UGT1A10: variants seen among roughly 807,000 people sequenced by gnomAD.
UGT1A10 encodes the protein UDP glucuronosyltransferase family 1 member A10.
In UGT1A10, 49 loss-of-function variants were observed where a neutral mutation model predicts 45.8. The ratio of observed to expected loss-of-function variants is 1.07; its 90% CI spans 0.85 to 1.36. The LOEUF is 1.36. Among genes scored for constraint, UGT1A10 ranks in the 40% most tolerant of loss-of-function variants. The probability of loss-of-function intolerance (pLI) is 0.00; values close to 1 mark genes in which losing one functional copy is unlikely to be tolerated. For synonymous variants in UGT1A10, 284 were observed against 249.7 expected (o/e 1.14, Z -1.29); for missense variants, 745 against 668.6 (o/e 1.11, Z -1.26).
intron 1 of UGT1A10, among the ~76,000 whole-genome samples, chr2:233,708,906 G>T (rs2076047236): frequency 6.6e-6 from 1 of 152,058 alleles, no homozygotes. Flanking sequence ...TATCTGGTTA[G>T]GTATTGCTTG....
intron 4 of UGT1A10, chr2:233,770,280 A>G (rs889485504): frequency 6.6e-6 from 1 of 152,192 alleles, no homozygotes; most frequent in Non-Finnish European, 1.5e-5. Context: ...CACAAAATAA[A>G]AAGAAGTGGA....
chr2:233,730,543 T>G (rs1559376026), intron 1 of UGT1A10, among the ~76,000 whole-genome samples: 2 of 152,132 alleles, frequency 1.3e-5, no homozygotes, highest in African/African-American at 2.4e-5. Flanking sequence ...GGGATGGATG[T>G]CTGTGATTAG....
intron 1 of UGT1A10, among the ~76,000 whole-genome samples, chr2:233,646,665 G>T (rs1405751774): frequency 3.3e-5 from 5 of 152,092 alleles, no homozygotes; most frequent in African/African-American, 1.2e-4. Flanking sequence ...AGTTCCCAAC[G>T]AGTTCCTCAT....
Position 233,637,011 on chromosome 2 carries a change from C to G in UGT1A10, c.489C>G (p.Leu163=), listed in dbSNP as rs932855712. 1 of 1,613,976 alleles carries G rather than the reference C, an allele frequency of 6.2e-7. No individual in the cohort carries two copies. The highest frequency in any genetic ancestry group is 1.3e-5 in the African/African-American group (1 of 74,918). The change falls in exon 1 of 5, where the codon CTC becomes CTG. Residue 163 remains leucine, a synonymous_variant. Coordinates refer to ENST00000344644, the MANE Select transcript of UGT1A10 (RefSeq NM_019075.4). ...TAATTGTTGCTAAATATTTCTCCCTCCCCTCTGTGGTCTTCACCAGGGGAA... is the reference window on the plus strand; with the variant it reads ...TAATTGTTGCTAAATATTTCTCCCTGCCCTCTGTGGTCTTCACCAGGGGAA... ...CGLIVAKYFS[L]PSVVFTRGIF... is the part of the protein sequence containing the mutation.
At chr2:233,654,817 C>A (rs1212171616) in intron 1 of UGT1A10, among the ~76,000 whole-genome samples, 1 of 152,176 alleles carries the variant, frequency 6.6e-6, no homozygotes, top group East Asian at 1.9e-4. Context: ...TAAGGCCCAG[C>A]ACAGTGGCTC....
intron 1 of UGT1A10, among the ~76,000 whole-genome samples, chr2:233,753,838 G>A (rs1367023028): frequency 6.6e-6 from 1 of 152,204 alleles, no homozygotes; most frequent in African/African-American, 2.4e-5. Flanking sequence ...GACAGTCCTA[G>A]TATATCATTG....
At chr2:233,743,832 T>G (rs569722093) in intron 1 of UGT1A10, 26 of 1,367,252 alleles carry the variant, frequency 1.9e-5, no homozygotes, top group South Asian at 9.1e-5. Context: ...GGGTGCCACT[T>G]GAGCGCCAGC....
chr2:233,671,846 G>A (rs922301895), intron 1 of UGT1A10: 22 of 1,492,504 alleles, frequency 1.5e-5, no homozygotes, highest in Middle Eastern at 3.6e-4. Context: ...GCCCTCTATT[G>A]GGGTCAGGTT....
At chr2:233,694,307 T>TG (rs2075212609) in intron 1 of UGT1A10, among the ~76,000 whole-genome samples, 1 of 151,966 alleles carries the variant, frequency 6.6e-6, no homozygotes, top group African/African-American at 2.4e-5. Flanking sequence ...GTTTTTTGTT[T>TG]TTTTTTTTCC....
At chr2:233,733,279 T>C (rs2078376954) in intron 1 of UGT1A10, among the ~76,000 whole-genome samples, 1 of 152,208 alleles carries the variant, frequency 6.6e-6, no homozygotes, top group Non-Finnish European at 1.5e-5. Flanking sequence ...CTTCCTCTTT[T>C]CCTAATTGAA....
rs761038539 is a variant in UGT1A10 at position 233,743,935 on chromosome 2, C to G, written c.856-23099C>G. 3 of 1,357,014 alleles carry G rather than the reference C, an allele frequency of 2.2e-6. No homozygotes were observed. In the East Asian group the frequency reaches 1.4e-4, roughly 62 times the overall value. 84.1% of individuals were successfully genotyped at this position (1,357,014 alleles called of 1,614,324 possible). On this transcript the variant is annotated intron_variant, in intron 1 of 4. Transcript: ENST00000344644. Reference sequence around the variant, plus strand: ...CCACCATGCTGGATGGCCAGAACGGCCCACCAGGCACTGGCACAGCGAGCG... The same window carrying G: ...CCACCATGCTGGATGGCCAGAACGGGCCACCAGGCACTGGCACAGCGAGCG...
chr2:233,713,348 T>C (rs149718405), intron 1 of UGT1A10: 25 of 1,614,220 alleles, frequency 1.5e-5, no homozygotes, highest in Non-Finnish European at 2.1e-5. Flanking sequence ...TTATGAACAA[T>C]ATGTCTTTGA....
At chr2:233,689,269 T>C (rs6707947) in intron 1 of UGT1A10, among the ~76,000 whole-genome samples, 93,584 of 152,068 alleles carry the variant, frequency 0.62, 29,068 homozygotes, top group South Asian at 0.65. Flanking sequence ...ATTGTTATCA[T>C]ACTAAACTAA....
chr2:233,657,709 A>G (rs1400364312), intron 1 of UGT1A10, among the ~76,000 whole-genome samples: 1 of 152,190 alleles, frequency 6.6e-6, no homozygotes, highest in East Asian at 1.9e-4. Flanking sequence ...TCTAATGGGT[A>G]TGTAAATTAA....
intron 1 of UGT1A10, among the ~76,000 whole-genome samples, chr2:233,736,119 C>T (rs933260681): frequency 3.9e-5 from 6 of 152,336 alleles, no homozygotes; most frequent in South Asian, 2.1e-4. Context: ...CAACTTGTTT[C>T]CATTCTCCGC....
intron 1 of UGT1A10, among the ~76,000 whole-genome samples, chr2:233,699,882 A>T (rs1053068839): frequency 4.6e-5 from 7 of 152,168 alleles, no homozygotes; most frequent in African/African-American, 1.7e-4. Context: ...TGGTGTTGCA[A>T]TTGGAGAGGC....
intron 1 of UGT1A10, chr2:233,647,926 C>G: frequency 5.6e-6 from 9 of 1,601,882 alleles, no homozygotes; most frequent in Non-Finnish European, 6.8e-6. Context: ...AGATCACTCA[C>G]TGCCCATGGA....
chr2:233,753,284 A>G (rs1327448691), intron 1 of UGT1A10: 1 of 152,242 alleles, frequency 6.6e-6, no homozygotes, highest in African/African-American at 2.4e-5. Context: ...TTGATTTCAG[A>G]GTTCAGTGTG....
At chr2:233,730,105 C>T (rs1305477066) in intron 1 of UGT1A10, 1 of 1,574,650 alleles carries the variant, frequency 6.4e-7, no homozygotes, top group Non-Finnish European at 8.6e-7. Context: ...TATTTCATTT[C>T]TGCTTCTCCT....
Sources: allele counts gnomAD v4.1 joint callset (sites outside exome capture counted in the v4.1 genomes callset), GRCh38; gene constraint gnomAD v4.1.1; transcripts MANE v1.5; gene names NCBI Gene and HGNC (gene_info 2026-07-23, HGNC 2026-07-21).